Variants in DGKI observed in about 807,000 individuals in gnomAD.
The protein encoded by DGKI is diacylglycerol kinase iota.
Under a neutral mutation model 147.5 loss-of-function variants are expected in DGKI, and 55 were observed. That is an observed-to-expected ratio of 0.37 (90% CI 0.30 to 0.47). The LOEUF is 0.47. DGKI is among the 20% of genes least tolerant of loss of function. The pLI, the probability that DGKI is intolerant of heterozygous loss-of-function variation, is 1.00. For missense variants in DGKI, 1,007 were observed against 1,323.8 expected, an observed-to-expected ratio of 0.76 and a Z score of 3.71; for synonymous variants, 469 against 477.1, an observed-to-expected ratio of 0.98 and a Z score of 0.22.
intron 12 of DGKI, among the ~76,000 whole-genome samples, chr7:137,591,296 C>T (rs541835253): frequency 1.3e-5 from 2 of 152,252 alleles, no homozygotes; most frequent in African/African-American, 2.4e-5. Context: ...ATGTCATTGT[C>T]TCCTGAATAT....
At chr7:137,570,578 T>A (rs1374601778) in intron 19 of DGKI, among the ~76,000 whole-genome samples, 1 of 150,900 alleles carries the variant, frequency 6.6e-6, no homozygotes, top group Non-Finnish European at 1.5e-5. Context: ...AATGCTGGGA[T>A]GTTTCTATAG....
intron 23 of DGKI, among the ~76,000 whole-genome samples, chr7:137,473,498 G>A (rs1815058857): frequency 6.6e-6 from 1 of 152,062 alleles, no homozygotes; most frequent in African/African-American, 2.4e-5. Flanking sequence ...AGATTTCCAA[G>A]ATGCTAAAAA....
intron 17 of DGKI, among the ~76,000 whole-genome samples, chr7:137,574,519 T>G (rs1225977419): frequency 2.0e-5 from 3 of 152,208 alleles, no homozygotes; most frequent in East Asian, 3.8e-4. Context: ...TAGAACAGAA[T>G]TCATTTTTTA....
At chr7:137,840,859 C>T (rs1172698015) in intron 1 of DGKI, among the ~76,000 whole-genome samples, 4 of 152,306 alleles carry the variant, frequency 2.6e-5, no homozygotes, top group African/African-American at 7.2e-5. Context: ...TCAGAGTCAT[C>T]GATTCAAATG....
intron 28 of DGKI, among the ~76,000 whole-genome samples, chr7:137,443,726 C>T (rs2288144): frequency 0.34 from 52,247 of 151,796 alleles, 9,833 homozygotes; most frequent in East Asian, 0.65. Context: ...CAAACTACCA[C>T]AAAAATTTTT....
chr7:137,663,342 G>C (rs549030717), intron 3 of DGKI, among the ~76,000 whole-genome samples: 1 of 152,348 alleles, frequency 6.6e-6, no homozygotes, highest in East Asian at 1.9e-4. Context: ...CTGTCACCTA[G>C]AGGAGGGCAA....
rs147916284 is a variant in DGKI at position 137,501,181 on chromosome 7, G to T, written c.2249-13492C>A. Among the ~76,000 whole-genome samples the T allele has an allele frequency of 4.1e-4, 62 of 152,156 alleles. 1 individual carries two copies. In the East Asian group the frequency reaches 0.011, roughly 27 times the overall value. On this transcript the variant is annotated intron_variant, in intron 21 of 32. Coordinates refer to ENST00000614521, the MANE Select transcript of DGKI (RefSeq NM_001321708.2). ...CCTGTCCTCCAGTTCCATCCATGTT[G>T]CTGCAAACGACAGAATTTTATTCTT...
In DGKI at chr7:137,599,777, C is replaced by T. The variant is rs771423468; in HGVS notation, c.1250+46G>A. The T allele has an allele frequency of 4.6e-5, 73 of 1,571,798 alleles. 1 individual carries two copies. The highest frequency in any genetic ancestry group is 6.3e-5 in the Non-Finnish European group (72 of 1,143,278). ...CAGATAATGAAGCAGAAAATTCTCA[C>T]TTGCCTAAAATACATATGGACCATG... On this transcript the variant is annotated intron_variant, in intron 11 of 32. Coordinates refer to ENST00000614521, the MANE Select transcript of DGKI (RefSeq NM_001321708.2).
intron 3 of DGKI, among the ~76,000 whole-genome samples, chr7:137,660,367 G>A (rs1454814424): frequency 3.3e-5 from 5 of 152,196 alleles, no homozygotes; most frequent in Non-Finnish European, 7.3e-5. Context: ...CTAGGTTTTA[G>A]GATGGTGGGC....
chr7:137,572,687 A>C (rs2128976597), intron 18 of DGKI, 78 bp downstream of exon 18: 1 of 983,976 alleles, frequency 1.0e-6, no homozygotes, highest in South Asian at 1.6e-5. Flanking sequence ...TTACATCTGA[A>C]ACTTTTCTGT....
intron 28 of DGKI, among the ~76,000 whole-genome samples, chr7:137,432,455 C>G (rs932550499): frequency 6.6e-6 from 1 of 152,196 alleles, no homozygotes; most frequent in African/African-American, 2.4e-5. Flanking sequence ...TGCTCTCACT[C>G]TCTCTTGCAC....
rs535360877 is a variant in DGKI at position 137,682,155 on chromosome 7, G to T, written c.511-3503C>A. Among the ~76,000 whole-genome samples, 8 of 152,222 alleles carry T rather than the reference G, an allele frequency of 5.3e-5. No individual in the cohort carries two copies. In the South Asian group the frequency reaches 1.0e-3, roughly 20 times the overall value. On this transcript the variant is annotated intron_variant, in intron 2 of 32. Coordinates refer to ENST00000614521, the MANE Select transcript of DGKI (RefSeq NM_001321708.2). The stretch of plus-strand genomic sequence containing the variant: ...ACTGAAGCTGAGTGTGGTCTTGGGG[G>T]TCCCGAACTTGCAACTGATGTCAGA...
chr7:137,536,796 G>A (rs932395437), intron 20 of DGKI, among the ~76,000 whole-genome samples: 16 of 152,102 alleles, frequency 1.1e-4, no homozygotes, highest in East Asian at 3.9e-4. Context: ...CTACAGACCC[G>A]TGGACTGCTT....
intron 3 of DGKI, among the ~76,000 whole-genome samples, chr7:137,662,239 C>G (rs1030783052): frequency 1.4e-5 from 2 of 146,052 alleles, no homozygotes; most frequent in Non-Finnish European, 3.0e-5. Flanking sequence ...CCAGCACACT[C>G]CTTTTTTTTT....
chr7:137,582,010 A>C, intron 14 of DGKI, 82 bp from the exon 15 acceptor site: 1 of 1,111,602 alleles, frequency 9.0e-7, no homozygotes, highest in East Asian at 2.4e-5. Flanking sequence ...CTGGACCCCT[A>C]TCTCTGAAGA....
intron 5 of DGKI, among the ~76,000 whole-genome samples, chr7:137,651,315 G>C (rs1275349891): frequency 6.6e-6 from 1 of 152,176 alleles, no homozygotes; most frequent in Non-Finnish European, 1.5e-5. Flanking sequence ...ATTGGAGACA[G>C]TTGGATGGAT....
At chr7:137,638,937 A>T (rs1416066472) in intron 6 of DGKI, among the ~76,000 whole-genome samples, 1 of 152,018 alleles carries the variant, frequency 6.6e-6, no homozygotes, top group Non-Finnish European at 1.5e-5. Flanking sequence ...GCTTTTCATG[A>T]GGAAACTAGC....
intron 21 of DGKI, among the ~76,000 whole-genome samples, chr7:137,508,347 C>A (rs888081484): frequency 5.9e-5 from 9 of 151,582 alleles, no homozygotes; most frequent in Non-Finnish European, 2.9e-5. Context: ...CTGCCTCAGC[C>A]TCCTGCGTAG....
intron 28 of DGKI, among the ~76,000 whole-genome samples, chr7:137,443,244 G>A (rs1449309876): frequency 6.6e-6 from 1 of 152,154 alleles, no homozygotes; most frequent in Non-Finnish European, 1.5e-5. Flanking sequence ...TGGTCGGCTG[G>A]AAAGATTTCA....
Sources: allele counts gnomAD v4.1 joint callset (sites outside exome capture counted in the v4.1 genomes callset), GRCh38; gene constraint gnomAD v4.1.1; transcripts MANE v1.5; gene names NCBI Gene and HGNC (gene_info 2026-07-23, HGNC 2026-07-21).